The following NPNT variants were observed in gnomAD, a reference collection of about 807,000 sequenced individuals.
NPNT encodes the protein preosteoblast EGF-like repeat protein with MAM domain.
A neutral mutation model predicts 68.6 loss-of-function variants in NPNT; 45 were observed. The ratio of observed to expected loss-of-function variants is 0.66; its 90% CI spans 0.52 to 0.84. The LOEUF is 0.84. Ranked by LOEUF, NPNT falls within the 40% of genes least tolerant of loss-of-function variation. NPNT has a pLI of 0.00. For missense variants in NPNT, 672 were observed against 714.8 expected, an observed-to-expected ratio of 0.94 and a Z score of 0.68; for synonymous variants, 233 against 253.3, an observed-to-expected ratio of 0.92 and a Z score of 0.76.
At chr4:105,939,403 G>C (rs1553982052) in intron 5 of NPNT, among the ~76,000 whole-genome samples, 1 of 152,204 alleles carries the variant, frequency 6.6e-6, no homozygotes, top group Non-Finnish European at 1.5e-5. Context: ...TACAGGGTGT[G>C]AGTATGAGGG....
chr4:105,898,220 C>T (rs1726043015), intron 2 of NPNT: 1 of 389,430 alleles, frequency 2.6e-6, no homozygotes. Flanking sequence ...CAGAGAGCCA[C>T]CTTAAATGTT....
At chr4:105,907,802 T>G (rs1319738137) in intron 2 of NPNT, among the ~76,000 whole-genome samples, 1 of 152,182 alleles carries the variant, frequency 6.6e-6, no homozygotes, top group Non-Finnish European at 1.5e-5. Context: ...TCACTAAAAC[T>G]TCTTTTTAAG....
chr4:105,966,839 G>A (rs766946234), intron 10 of NPNT, among the ~76,000 whole-genome samples: 4 of 152,092 alleles, frequency 2.6e-5, no homozygotes, highest in Non-Finnish European at 4.4e-5. Flanking sequence ...GTTGGACAAC[G>A]TTATCATAAA....
At chr4:105,948,504 A>T (rs950895456) in intron 8 of NPNT, among the ~76,000 whole-genome samples, 1 of 152,126 alleles carries the variant, frequency 6.6e-6, no homozygotes, top group East Asian at 1.9e-4. Flanking sequence ...GAGATAAGGG[A>T]TCTAGTGTTT....
chr4:105,967,246 G>A lies in NPNT; in HGVS notation c.1404G>A (p.Leu468=), dbSNP rs1732227761. ...CCCCAGGGGGAAAAGCTGCACGCTT[G>A]GTGCTACCTCTCGGCCGCCTCATGC... The part of the protein sequence containing the change: ...AKAPGGKAAR[L]VLPLGRLMHS... The change falls in exon 11 of 12, where the codon TTG becomes TTA. Residue 468 remains leucine, a synonymous_variant. Coordinates refer to ENST00000379987, the MANE Select transcript of NPNT (RefSeq NM_001033047.3). 2 of 1,614,060 alleles carry A rather than the reference G, an allele frequency of 1.2e-6. No homozygotes were observed. The highest frequency in any genetic ancestry group is 1.7e-6 in the Non-Finnish European group (2 of 1,179,998).
chr4:105,904,753 G>T (rs760753433), intron 2 of NPNT, among the ~76,000 whole-genome samples: 5 of 152,004 alleles, frequency 3.3e-5, no homozygotes, highest in African/African-American at 4.8e-5. Flanking sequence ...CAGGATCTCG[G>T]CTCACTGCAA....
Position 105,934,215 on chromosome 4 carries a change from T to C in NPNT, c.266-2794T>C, listed in dbSNP as rs946384767. Among the ~76,000 whole-genome samples, 8 of 152,328 alleles carry C rather than the reference T, an allele frequency of 5.3e-5. No homozygotes were observed. The South Asian group carries it at 1.7e-3, about 32-fold the overall frequency. On this transcript the variant is annotated intron_variant, in intron 3 of 11. Coordinates refer to ENST00000379987, the MANE Select transcript of NPNT (RefSeq NM_001033047.3). Reference sequence around the variant, plus strand: ...ATTTATTTTTGAATTTATTGCTTAATTGAATGATCTCCAATAGATTGTGAT... The same window carrying C: ...ATTTATTTTTGAATTTATTGCTTAACTGAATGATCTCCAATAGATTGTGAT...
chr4:105,900,987 T>A (rs915800258), intron 2 of NPNT, among the ~76,000 whole-genome samples: 9 of 152,302 alleles, frequency 5.9e-5, no homozygotes, highest in Non-Finnish European at 1.3e-4. Flanking sequence ...AGGTGAAAAT[T>A]TTTTAATATG....
At chr4:105,932,532 A>G in intron 3 of NPNT, 1 of 820,446 alleles carries the variant, frequency 1.2e-6, no homozygotes, top group South Asian at 1.6e-5. Context: ...GTAATTGTTT[A>G]ATATATACTT....
chr4:105,911,920 T>C (rs1203427006), intron 2 of NPNT: 1 of 367,518 alleles, frequency 2.7e-6, no homozygotes, highest in Non-Finnish European at 4.9e-6. Flanking sequence ...AGGTCTGAAA[T>C]ATTTAAATTT....
intron 3 of NPNT, chr4:105,932,588 CTT>C: frequency 2.0e-6 from 3 of 1,501,976 alleles, no homozygotes; most frequent in Admixed American, 3.9e-5. Context: ...AAAGTTGACT[CTT>C]ATTACCTTCT....
chr4:105,912,063 A>T, intron 2 of NPNT: 3 of 674,556 alleles, frequency 4.4e-6, no homozygotes, highest in Admixed American at 5.1e-5. Flanking sequence ...TTTTTGTTTC[A>T]GAAAAGCACT....
At chr4:105,906,404 C>T (rs1417704580) in intron 2 of NPNT, among the ~76,000 whole-genome samples, 1 of 152,116 alleles carries the variant, frequency 6.6e-6, no homozygotes, top group Admixed American at 6.5e-5. Flanking sequence ...CATAGAAGAT[C>T]CGTCAACATA....
At chr4:105,925,508 G>A (rs1728615157) in intron 2 of NPNT, among the ~76,000 whole-genome samples, 1 of 152,082 alleles carries the variant, frequency 6.6e-6, no homozygotes, top group African/African-American at 2.4e-5. Flanking sequence ...ATGCACATCA[G>A]TTTCGCAGGA....
At chr4:105,927,524 T>A in intron 3 of NPNT, 96 bp downstream of exon 3, 1 of 593,736 alleles carries the variant, frequency 1.7e-6, no homozygotes, top group Non-Finnish European at 2.9e-6. Flanking sequence ...CCATGGCTAT[T>A]TTTCCAAAAT....
intron 2 of NPNT, among the ~76,000 whole-genome samples, chr4:105,926,831 ATGT>A (rs1728715600): frequency 1.3e-5 from 2 of 152,310 alleles, no homozygotes; most frequent in South Asian, 4.1e-4. Context: ...TTCCAAAACA[ATGT>A]TGTTTTGGTT....
At chr4:105,926,561 GTGCC>G (rs1728697178) in intron 2 of NPNT, among the ~76,000 whole-genome samples, 1 of 152,086 alleles carries the variant, frequency 6.6e-6, no homozygotes, top group African/African-American at 2.4e-5. Flanking sequence ...GGGGTAAAAA[GTGCC>G]CCCCAGTTGA....
intron 8 of NPNT, among the ~76,000 whole-genome samples, chr4:105,949,440 G>A (rs13107002): frequency 0.85 from 129,641 of 152,044 alleles, 56,205 homozygotes; most frequent in East Asian, 1. Context: ...GGTTGATCTT[G>A]GATTTAGGAA....
chr4:105,924,045 C>G (rs894236793), intron 2 of NPNT, among the ~76,000 whole-genome samples: 26 of 151,824 alleles, frequency 1.7e-4, no homozygotes, highest in African/African-American at 5.1e-4. Flanking sequence ...CTGCGCCCCC[C>G]CCCCACCACT....
Sources: gnomAD v4.1 joint callset for allele counts (sites outside exome capture counted in the v4.1 genomes callset) on GRCh38, gnomAD v4.1.1 for gene constraint, MANE v1.5 for transcripts, NCBI Gene and HGNC (gene_info 2026-07-23, HGNC 2026-07-21) for gene names.